NAPEPLD: variants seen among roughly 807,000 people sequenced by gnomAD.
NAPEPLD encodes N-acyl-phosphatidylethanolamine-hydrolyzing phospholipase D.
Under a neutral mutation model 38.1 loss-of-function variants are expected in NAPEPLD, and 23 were observed. That is an observed-to-expected ratio of 0.60 (90% confidence interval 0.43 to 0.86). NAPEPLD has a LOEUF of 0.86. Among genes scored for constraint, NAPEPLD ranks in the 40% least tolerant of loss-of-function variants. The pLI is 0.00. For missense variants in NAPEPLD, 411 were observed against 476.8 expected (o/e 0.86, Z 1.28); for synonymous variants, 147 against 162.0 (o/e 0.91, Z 0.71).
intron 1 of NAPEPLD, among the ~76,000 whole-genome samples, chr7:103,130,517 T>C (rs1808719337): frequency 2.0e-5 from 3 of 152,216 alleles, no homozygotes; most frequent in Admixed American, 2.0e-4. Flanking sequence ...ATGGCACAGG[T>C]ACATAATGTA....
At chr7:103,128,177 A>G in intron 2 of NAPEPLD, 1 of 352,060 alleles carries the variant, frequency 2.8e-6, no homozygotes, top group South Asian at 5.9e-5. Context: ...AATACTTTTT[A>G]GTTGACTAGG....
At chr7:103,126,604 TTTTG>T (rs1045747482) in intron 2 of NAPEPLD, among the ~76,000 whole-genome samples, 2 of 149,326 alleles carry the variant, frequency 1.3e-5, no homozygotes, top group Admixed American at 6.7e-5. Flanking sequence ...ATGCAATTTT[TTTTG>T]TTTTGTTTTG....
chr7:103,147,263 GC>G (rs1402706329), intron 1 of NAPEPLD, among the ~76,000 whole-genome samples: 2 of 152,192 alleles, frequency 1.3e-5, no homozygotes, highest in East Asian at 3.8e-4. Context: ...TTTTATGCAT[GC>G]CCTCACTGGC....
chr7:103,128,783 T>TG lies in NAPEPLD; in HGVS notation c.-8dup, dbSNP rs1278316370. 6.2e-7 allele frequency: 1 copy of TG among 1,605,304 alleles called. No individual in the cohort carries two copies. Among genetic ancestry groups the TG allele is most frequent in the African/African-American group, 1.3e-5 (1 of 74,126 alleles). On this transcript the variant is annotated 5_prime_UTR_variant, in exon 2 of 5. Transcript: ENST00000465647. ...TGCTTTCATTTTCATCCATGTCCTT[T>TG]GGTGAAGAACTAAAAAAAACAAGGG...
At chr7:103,137,857 G>A (rs1246483239) in intron 1 of NAPEPLD, among the ~76,000 whole-genome samples, 1 of 149,744 alleles carries the variant, frequency 6.7e-6, no homozygotes, top group Non-Finnish European at 1.5e-5. Context: ...AAGAAAGAAA[G>A]AAGAAAAGAA....
At chr7:103,147,360 G>A (rs559552303) in intron 1 of NAPEPLD, among the ~76,000 whole-genome samples, 2 of 152,292 alleles carry the variant, frequency 1.3e-5, no homozygotes, top group East Asian at 1.9e-4. Flanking sequence ...CTTTTTATGT[G>A]TATGCATTTC....
At chr7:103,131,419 G>C (rs1490644761) in intron 1 of NAPEPLD, among the ~76,000 whole-genome samples, 2 of 152,052 alleles carry the variant, frequency 1.3e-5, no homozygotes, top group Non-Finnish European at 2.9e-5. Flanking sequence ...AGCACTTCAG[G>C]AGGCCAAGGC....
At chr7:103,143,075 A>AC (rs1554541100) in intron 1 of NAPEPLD, among the ~76,000 whole-genome samples, 17,046 of 149,062 alleles carry the variant, frequency 0.11, 1,128 homozygotes, top group East Asian at 0.32. Context: ...AAAAAAACAA[A>AC]AAAACAAAAA....
chr7:103,141,240 GTTTTTTTTT>G, intron 1 of NAPEPLD: 1 of 10,046 alleles, frequency 1.0e-4, no homozygotes, highest in African/African-American at 2.2e-4. Context: ...CTGTGGAGTT[GTTTTTTTTT>G]TTTTTTTTTT....
intron 1 of NAPEPLD, chr7:103,129,454 GA>G (rs1259972041): frequency 2.9e-6 from 1 of 350,036 alleles, no homozygotes; most frequent in African/African-American, 2.2e-5. Flanking sequence ...CATGTATTTA[GA>G]AAACATTATT....
chr7:103,105,960 C>T (rs551009364), intron 4 of NAPEPLD, among the ~76,000 whole-genome samples: 1 of 139,034 alleles, frequency 7.2e-6, no homozygotes, highest in Non-Finnish European at 1.5e-5. Context: ...AAAAAAAAGG[C>T]TGAAGAGGAA....
chr7:103,137,977 T>C, intron 1 of NAPEPLD, among the ~76,000 whole-genome samples: 1 of 24,262 alleles, frequency 4.1e-5, no homozygotes, highest in South Asian at 0.029. Flanking sequence ...TCTTTTTTGC[T>C]TTTTTTCTTT....
intron 3 of NAPEPLD, among the ~76,000 whole-genome samples, chr7:103,117,243 A>G (rs1805761247): frequency 6.6e-6 from 1 of 152,222 alleles, no homozygotes; most frequent in South Asian, 2.1e-4. Context: ...GCTGGGTCCT[A>G]CAGAAGGCTG....
At chr7:103,140,551 C>G (rs1585897223) in intron 1 of NAPEPLD, among the ~76,000 whole-genome samples, 1 of 152,022 alleles carries the variant, frequency 6.6e-6, no homozygotes, top group African/African-American at 2.4e-5. Flanking sequence ...CGCCACCACG[C>G]CCGGCTAATT....
At position 103,116,064 on chromosome 7, in the gene NAPEPLD, CT is replaced by C. The variant is rs10541883; in HGVS notation, c.942-891del. ...GTTTTTGCCAGTTTTTTCTTTTTTT[CT>C]TTTTTTTTTTTTCTGAGATTGAGTC... is the stretch of plus-strand genomic sequence containing the variant. On this transcript the variant is annotated intron_variant, in intron 3 of 4. Coordinates refer to ENST00000465647, the MANE Select transcript of NAPEPLD (RefSeq NM_001122838.3). 4.6e-3 allele frequency among the ~76,000 whole-genome samples: 690 copies of C among 151,100 alleles called. 5 individuals carry two copies. Among genetic ancestry groups the C allele is most frequent in the African/African-American group, 0.016 (651 of 40,688 alleles).
chr7:103,128,668 A>C lies in NAPEPLD; in HGVS notation c.109T>G (p.Ser37Ala). The stretch of plus-strand genomic sequence containing the variant: ...TTGAAGCTTTTCCTAGAAAACCTAG[A>C]AGAATCACTTGCTCCGGAATTCCGT... Reference protein sequence around the residue: ...SARNSGASDSSRFSRKSFKLD... With the variant: ...SARNSGASDSARFSRKSFKLD... Residue 37 changes from serine to alanine, a missense_variant, in exon 2 of 5, where the codon TCT becomes GCT. Transcript: ENST00000465647. 1 of 1,614,210 alleles carries C rather than the reference A, an allele frequency of 6.2e-7. No individual in the cohort carries two copies. The highest frequency in any genetic ancestry group is 8.5e-7 in the Non-Finnish European group (1 of 1,180,038).
rs148634353 is a variant in NAPEPLD at position 103,120,048 on chromosome 7, G to A, written c.470C>T (p.Ser157Leu). ...DPIFSSRASP[S>L]QYMGPKRFRR... is the part of the protein sequence containing the mutation. ...AAATCGCTTTGGACCCATGTACTGC[G>A]ATGGTGAAGCACGAGAGCTAAAGAT... The change falls in exon 3 of 5, where the codon TCG becomes TTG. Residue 157 changes from serine to leucine, a missense_variant. Transcript: ENST00000465647. 1.7e-5 allele frequency: 27 copies of A among 1,614,072 alleles called. No individual in the cohort carries two copies. Among genetic ancestry groups the A allele is most frequent in the Middle Eastern group, 1.6e-4 (1 of 6,082 alleles).
chr7:103,119,598 G>A lies in NAPEPLD; in HGVS notation c.920C>T (p.Pro307Leu). The change falls in exon 3 of 5, where the codon CCC (proline) becomes CTC (leucine). Residue 307 changes from proline to leucine, a missense_variant. Transcript: ENST00000465647. ...ATACCTCGGTTCATAAGCTCCGATG[G>A]GAATAGCTGCAAGGTCAAAAGGTCC... Reference protein sequence around the residue: ...RFGPFDLAAIPIGAYEPRWFM... With the variant: ...RFGPFDLAAILIGAYEPRWFM... 2 of 1,613,838 alleles carry A rather than the reference G, an allele frequency of 1.2e-6. No individual in the cohort carries two copies. The highest frequency in any genetic ancestry group is 1.7e-6 in the Non-Finnish European group (2 of 1,179,908).
At chr7:103,107,409 T>A (rs1242775344) in intron 4 of NAPEPLD, among the ~76,000 whole-genome samples, 3 of 152,060 alleles carry the variant, frequency 2.0e-5, no homozygotes. Flanking sequence ...GTTTGATGAA[T>A]TGACAGAAGC....
Sources: gnomAD v4.1 joint callset for allele counts (sites outside exome capture counted in the v4.1 genomes callset) on GRCh38, gnomAD v4.1.1 for gene constraint, MANE v1.5 for transcripts, NCBI Gene and HGNC (gene_info 2026-07-23, HGNC 2026-07-21) for gene names.